ERICH1: variants seen among roughly 807,000 people sequenced by gnomAD.
The protein encoded by ERICH1 is glutamate rich 1.
A neutral mutation model predicts 39.6 loss-of-function variants in ERICH1; 56 were observed. The ratio of observed to expected loss-of-function variants is 1.41; its 90% CI spans 1.14 to 1.77. ERICH1 has a LOEUF of 1.77. ERICH1 is among the 40% of genes most tolerant of loss of function. The pLI, the probability that ERICH1 is intolerant of heterozygous loss-of-function variation, is 0.00. For synonymous variants in ERICH1, 313 were observed against 223.6 expected, an observed-to-expected ratio of 1.40 and a Z score of -3.57; for missense variants, 826 against 575.4, an observed-to-expected ratio of 1.44 and a Z score of -4.45.
rs760070530 is a variant in ERICH1 at position 674,046 on chromosome 8, A to T, written c.306T>A (p.Asp102Glu). The T allele has an allele frequency of 6.5e-7, 1 of 1,536,454 alleles. No homozygotes were observed. Residue 102 changes from aspartate to glutamate, a missense_variant and splice_region_variant, in exon 4 of 6, where the codon GAT becomes GAA. By Grantham distance (45) the Asp-to-Glu change is conservative (BLOSUM62 2). Transcript: ENST00000262109. Reference sequence around the variant, plus strand: ...TCTTTGGCTGGTCATGAGGATCCTGATCTGTTAAAAAAATTCAAATATAAC... The same window carrying T: ...TCTTTGGCTGGTCATGAGGATCCTGTTCTGTTAAAAAAATTCAAATATAAC... Reference protein sequence around the residue: ...ENASSGDDTEDQDPHDQPKRR... With the variant: ...ENASSGDDTEEQDPHDQPKRR...
In ERICH1 at chr8:673,755, C is replaced by T; in HGVS notation, c.597G>A (p.Gly199=). 6.2e-7 allele frequency: 1 copy of T among 1,614,188 alleles called. No homozygotes were observed. The highest frequency in any genetic ancestry group is 8.5e-7 in the Non-Finnish European group (1 of 1,180,030). Residue 199 remains glycine, a synonymous_variant, in exon 4 of 6, where the codon GGG becomes GGA. Coordinates refer to ENST00000262109, the MANE Select transcript of ERICH1 (RefSeq NM_207332.3). Reference sequence around the variant, plus strand: ...CCTCACAAGCCTCTCCCACGCCTTCCCCTTCATTGCTGCTGTCCTCGGGCT... The same window carrying T: ...CCTCACAAGCCTCTCCCACGCCTTCTCCTTCATTGCTGCTGTCCTCGGGCT... The part of the protein sequence containing the change: ...MYQPEDSSNE[G]EGVGEACEED...
chr8:642,745 C>T (rs1799159748), intron 3 of ERICH1, among the ~76,000 whole-genome samples: 1 of 152,152 alleles, frequency 6.6e-6, no homozygotes, highest in South Asian at 2.1e-4. Context: ...CGCTGGCCCT[C>T]TTCTTGTGGA....
At chr8:652,175 C>T (rs957312981) in intron 3 of ERICH1, among the ~76,000 whole-genome samples, 5 of 152,198 alleles carry the variant, frequency 3.3e-5, no homozygotes, top group African/African-American at 1.2e-4. Context: ...CCTGAACTCA[C>T]CCTGCACCCA....
At chr8:680,891 G>A (rs1805971587) in intron 3 of ERICH1, among the ~76,000 whole-genome samples, 1 of 152,240 alleles carries the variant, frequency 6.6e-6, no homozygotes, top group African/African-American at 2.4e-5. Context: ...CAGATCCACT[G>A]GGGCTTCCTG....
intron 3 of ERICH1, among the ~76,000 whole-genome samples, chr8:629,700 C>A (rs1334857166): frequency 7.0e-6 from 1 of 142,758 alleles, no homozygotes; most frequent in Non-Finnish European, 1.5e-5. Context: ...CCTCCTGTGA[C>A]CACCCACACA....
At position 731,164 on chromosome 8, in the gene ERICH1, G is replaced by A. The variant is rs761872650; in HGVS notation, c.-3C>T. On this transcript the variant is annotated 5_prime_UTR_variant, in exon 1 of 6. Coordinates refer to ENST00000262109, the MANE Select transcript of ERICH1 (RefSeq NM_207332.3). The stretch of plus-strand genomic sequence containing the variant: ...CCGTGCTTCCTGTGCGCCGCCATGC[G>A]GGACCCTGCCGCGGACCTCAGACCA... 4 of 1,509,808 alleles carry A rather than the reference G, an allele frequency of 2.6e-6. No homozygotes were observed. In the African/African-American group the frequency reaches 5.7e-5, roughly 22 times the overall value. 93.5% of individuals were successfully genotyped at this position (1,509,808 alleles called of 1,614,324 possible).
intron 3 of ERICH1, among the ~76,000 whole-genome samples, chr8:617,221 C>T (rs1033913593): frequency 6.6e-6 from 1 of 152,120 alleles, no homozygotes; most frequent in African/African-American, 2.4e-5. Flanking sequence ...TCATGAAGGG[C>T]TTCCGTAAAA....
At chr8:721,527 C>G (rs980036992) in intron 1 of ERICH1, among the ~76,000 whole-genome samples, 3 of 152,224 alleles carry the variant, frequency 2.0e-5, no homozygotes, top group African/African-American at 7.2e-5. Flanking sequence ...AGGGCCTTTA[C>G]CACCAGTGCT....
At chr8:681,850 T>C (rs942499455) in intron 3 of ERICH1, among the ~76,000 whole-genome samples, 1 of 152,008 alleles carries the variant, frequency 6.6e-6, no homozygotes, top group Non-Finnish European at 1.5e-5. Flanking sequence ...CCCTGCAAAA[T>C]CCAGTCTCAG....
Position 675,890 on chromosome 8 carries a change from C to G in ERICH1, c.305-1843G>C, listed in dbSNP as rs867800128. ...CCCTCGTGAGGACAGAGACGCGGCG[C>G]CCCCTCGGCGAGGACAGAGACGCGG... On this transcript the variant is annotated intron_variant, in intron 3 of 5. Coordinates refer to ENST00000262109, the MANE Select transcript of ERICH1 (RefSeq NM_207332.3). Among the ~76,000 whole-genome samples, 35 of 19,922 alleles carry G rather than the reference C, an allele frequency of 1.8e-3. 1 individual carries two copies. Among genetic ancestry groups the G allele is most frequent in the African/African-American group, 5.1e-3 (14 of 2,752 alleles). 13.1% of individuals were successfully genotyped at this position (19,922 alleles called of 152,430 possible).
chr8:617,450 C>T (rs11781048), intron 3 of ERICH1, among the ~76,000 whole-genome samples: 1 of 152,018 alleles, frequency 6.6e-6, no homozygotes, highest in African/African-American at 2.4e-5. Context: ...TCTGACCCCA[C>T]TGGGGAGTGC....
chr8:624,875 C>A (rs188173795), intron 3 of ERICH1, among the ~76,000 whole-genome samples: 3 of 152,020 alleles, frequency 2.0e-5, no homozygotes, highest in Admixed American at 2.0e-4. Context: ...TACAGGTGCC[C>A]GCCACCATGC....
intron 3 of ERICH1, among the ~76,000 whole-genome samples, chr8:652,890 C>T (rs1366796033): frequency 1.3e-5 from 2 of 152,172 alleles, no homozygotes; most frequent in Non-Finnish European, 2.9e-5. Context: ...AAATCAAAAC[C>T]ACGAGGTGCT....
chr8:657,501 G>A (rs761031363), intron 3 of ERICH1, among the ~76,000 whole-genome samples: 8 of 151,814 alleles, frequency 5.3e-5, no homozygotes, highest in Non-Finnish European at 8.8e-5. Context: ...TTTGAATCAA[G>A]TAGAACTCAC....
At chr8:669,919 T>C (rs1802904920) in intron 4 of ERICH1, among the ~76,000 whole-genome samples, 1 of 152,196 alleles carries the variant, frequency 6.6e-6, no homozygotes, top group Non-Finnish European at 1.5e-5. Context: ...AACCTGTGAC[T>C]CTGTGTCCTG....
chr8:693,089 C>A (rs1243815427), intron 2 of ERICH1, among the ~76,000 whole-genome samples: 1 of 102,678 alleles, frequency 9.7e-6, no homozygotes, highest in Non-Finnish European at 1.8e-5. Flanking sequence ...ACAACAGACA[C>A]ACATGCAGAC....
chr8:683,290 T>A (rs776641931), intron 3 of ERICH1, among the ~76,000 whole-genome samples: 1 of 152,006 alleles, frequency 6.6e-6, no homozygotes, highest in Non-Finnish European at 1.5e-5. Context: ...CCTTTGAGGA[T>A]AAAATTCAGA....
intron 3 of ERICH1, among the ~76,000 whole-genome samples, chr8:679,748 T>C (rs893884224): frequency 6.6e-6 from 1 of 152,222 alleles, no homozygotes; most frequent in African/African-American, 2.4e-5. Flanking sequence ...TCCTGTGACA[T>C]CACTGTGGTC....
At chr8:624,126 A>G (rs867207587) in intron 3 of ERICH1, among the ~76,000 whole-genome samples, 3 of 152,254 alleles carry the variant, frequency 2.0e-5, no homozygotes, top group African/African-American at 7.2e-5. Flanking sequence ...CAAATGGCCA[A>G]TGAGCGCACG....
Sources: gnomAD v4.1 joint callset for allele counts (sites outside exome capture counted in the v4.1 genomes callset) on GRCh38, gnomAD v4.1.1 for gene constraint, MANE v1.5 for transcripts, NCBI Gene and HGNC (gene_info 2026-07-23, HGNC 2026-07-21) for gene names.